Variants in MDGA2 observed in about 807,000 individuals in gnomAD.
The protein encoded by MDGA2 is MAM domain-containing glycosylphosphatidylinositol anchor protein 2.
In MDGA2, 40 loss-of-function variants were observed where a neutral mutation model predicts 117.8. The ratio of observed to expected loss-of-function variants is 0.34; its 90% confidence interval spans 0.26 to 0.44. MDGA2 has a LOEUF of 0.44. Among genes scored for constraint, MDGA2 ranks in the 20% least tolerant of loss-of-function variants. The probability of loss-of-function intolerance (pLI) is 1.00; values close to 1 mark genes in which losing one functional copy is unlikely to be tolerated. For synonymous variants in MDGA2, 452 were observed against 439.0 expected, an observed-to-expected ratio of 1.03 and a Z score of -0.37; for missense variants, 1,123 against 1,250.6, an observed-to-expected ratio of 0.90 and a Z score of 1.54.
chr14:47,257,348 GGA>G (rs1306360445), intron 2 of MDGA2, among the ~76,000 whole-genome samples: 4 of 151,850 alleles, frequency 2.6e-5, no homozygotes, highest in Non-Finnish European at 5.9e-5. Flanking sequence ...GTTTTGCCTC[GGA>G]TATTTACATG....
intron 10 of MDGA2, among the ~76,000 whole-genome samples, chr14:46,917,156 A>T (rs1476172210): frequency 2.6e-5 from 4 of 152,212 alleles, no homozygotes; most frequent in African/African-American, 9.7e-5. Flanking sequence ...AGAAGACAAT[A>T]GGTTTGAAAT....
At chr14:46,910,362 C>A (rs771756762) in intron 10 of MDGA2, among the ~76,000 whole-genome samples, 2 of 152,176 alleles carry the variant, frequency 1.3e-5, no homozygotes, top group Non-Finnish European at 2.9e-5. Flanking sequence ...TGCTTGTCCC[C>A]TATTAATTTA....
intron 2 of MDGA2, among the ~76,000 whole-genome samples, chr14:47,266,103 T>C (rs1166270057): frequency 2.0e-5 from 3 of 152,140 alleles, no homozygotes; most frequent in Admixed American, 1.3e-4. Context: ...AATGTATAGG[T>C]GGACAAAGAG....
intron 6 of MDGA2, among the ~76,000 whole-genome samples, chr14:47,064,636 C>G (rs1890014517): frequency 6.6e-6 from 1 of 151,916 alleles, no homozygotes; most frequent in South Asian, 2.1e-4. Flanking sequence ...TTTTATGGAT[C>G]AAGTGCATCA....
chr14:46,851,373 T>C lies in MDGA2; in HGVS notation c.2883+3651A>G, dbSNP rs139062307. Among the ~76,000 whole-genome samples, 336 of 152,004 alleles carry C rather than the reference T, an allele frequency of 2.2e-3. 3 individuals are homozygous for C. The highest frequency in any genetic ancestry group is 7.8e-3 in the African/African-American group (325 of 41,542). On this transcript the variant is annotated intron_variant, in intron 15 of 16. Coordinates refer to ENST00000399232, the MANE Select transcript of MDGA2 (RefSeq NM_001113498.3). Reference sequence around the variant, plus strand: ...CATTATAAGAATATATCCATTTTGCTTCTTTGGAATTGTTGCCCTAATTTT... The same window carrying C: ...CATTATAAGAATATATCCATTTTGCCTCTTTGGAATTGTTGCCCTAATTTT...
intron 1 of MDGA2, among the ~76,000 whole-genome samples, chr14:47,455,475 C>T (rs1341557244): frequency 6.6e-6 from 1 of 152,094 alleles, no homozygotes; most frequent in East Asian, 1.9e-4. Context: ...CACTTTACTC[C>T]AGCCAGGATG....
chr14:47,342,938 A>T lies in MDGA2; in HGVS notation c.281-41388T>A, dbSNP rs1011031126. On this transcript the variant is annotated intron_variant, in intron 1 of 16. Transcript: ENST00000399232. ...TACTTGGGATAAATTAGGGAAAACCATACCTTCTGAAGTCACAGTAGTAGG... is the reference window on the plus strand; with the variant it reads ...TACTTGGGATAAATTAGGGAAAACCTTACCTTCTGAAGTCACAGTAGTAGG... 6 of 539,512 alleles carry T rather than the reference A, an allele frequency of 1.1e-5. No homozygotes were observed. The African/African-American group carries it at 1.2e-4, about 11-fold the overall frequency. 33.4% of individuals were successfully genotyped at this position (539,512 alleles called of 1,614,324 possible).
At chr14:47,458,258 C>T (rs1893405045) in intron 1 of MDGA2, among the ~76,000 whole-genome samples, 1 of 151,872 alleles carries the variant, frequency 6.6e-6, no homozygotes, top group Non-Finnish European at 1.5e-5. Flanking sequence ...TGGTTGTATC[C>T]CTTGCTGAGC....
At chr14:47,595,097 G>T (rs1896510938) in intron 1 of MDGA2, among the ~76,000 whole-genome samples, 1 of 151,996 alleles carries the variant, frequency 6.6e-6, no homozygotes, top group Admixed American at 6.6e-5. Context: ...CCTGTAACAA[G>T]TTACTCTCTT....
intron 1 of MDGA2, among the ~76,000 whole-genome samples, chr14:47,584,689 C>T (rs910940205): frequency 1.3e-5 from 2 of 151,726 alleles, no homozygotes; most frequent in African/African-American, 4.8e-5. Context: ...TCTTCTTATG[C>T]CATCTTTGTG....
At chr14:47,453,847 C>T (rs1260262374) in intron 1 of MDGA2, among the ~76,000 whole-genome samples, 3 of 152,112 alleles carry the variant, frequency 2.0e-5, no homozygotes, top group Non-Finnish European at 4.4e-5. Context: ...CTGATGAGAT[C>T]TGATTTTGGG....
At chr14:47,439,269 T>C (rs1445960032) in intron 1 of MDGA2, among the ~76,000 whole-genome samples, 3 of 152,134 alleles carry the variant, frequency 2.0e-5, no homozygotes, top group Non-Finnish European at 4.4e-5. Context: ...TGAACCATGA[T>C]ATAAATAGAT....
At chr14:47,348,169 G>A (rs56264650) in intron 1 of MDGA2, among the ~76,000 whole-genome samples, 2 of 29,836 alleles carry the variant, frequency 6.7e-5, no homozygotes, top group African/African-American at 1.1e-4. Context: ...CTCTGTATAT[G>A]TGTGTGTGTG....
intron 8 of MDGA2, among the ~76,000 whole-genome samples, chr14:47,017,299 GA>G (rs751800979): frequency 0.019 from 2,088 of 112,708 alleles, 43 homozygotes; most frequent in African/African-American, 0.056. Flanking sequence ...GGCCCACATT[GA>G]AAAAAAAAAA....
At chr14:46,994,014 G>A (rs1366019006) in intron 8 of MDGA2, among the ~76,000 whole-genome samples, 1 of 152,090 alleles carries the variant, frequency 6.6e-6, no homozygotes, top group African/African-American at 2.4e-5. Context: ...TAGGGAGGAG[G>A]CTTTGGGTCA....
chr14:47,196,586 C>T (rs559460303), intron 3 of MDGA2, among the ~76,000 whole-genome samples: 93 of 152,170 alleles, frequency 6.1e-4, no homozygotes, highest in Non-Finnish European at 1.1e-3. Context: ...AAGAGCTTCA[C>T]ATTTTAAGAA....
At chr14:46,895,582 T>A (rs1267618921) in intron 10 of MDGA2, among the ~76,000 whole-genome samples, 1 of 151,900 alleles carries the variant, frequency 6.6e-6, no homozygotes, top group Non-Finnish European at 1.5e-5. Context: ...AAAAATTAGC[T>A]GGGCGTGGTG....
At chr14:46,948,702 T>C (rs1017695369) in intron 9 of MDGA2, among the ~76,000 whole-genome samples, 2 of 152,052 alleles carry the variant, frequency 1.3e-5, no homozygotes, top group East Asian at 1.9e-4. Flanking sequence ...CAAGTTAGAA[T>C]TGCTGCTTTT....
intron 1 of MDGA2, among the ~76,000 whole-genome samples, chr14:47,492,461 T>A (rs980215004): frequency 1.3e-5 from 2 of 152,094 alleles, no homozygotes; most frequent in African/African-American, 4.8e-5. Context: ...TATACGTGTG[T>A]GTGTGTTTGT....
Sources: gnomAD v4.1 joint callset for allele counts (sites outside exome capture counted in the v4.1 genomes callset) on GRCh38, gnomAD v4.1.1 for gene constraint, MANE v1.5 for transcripts, NCBI Gene and HGNC (gene_info 2026-07-23, HGNC 2026-07-21) for gene names.